AKAP12: variants seen among roughly 807,000 people sequenced by gnomAD.
The protein encoded by AKAP12 is A-kinase anchoring protein 12, also known as A-kinase anchor protein 12.
AKAP12 carries 32 observed loss-of-function variants against 79.9 expected under a neutral mutation model. The ratio of observed to expected loss-of-function variants is 0.40; its 90% CI spans 0.30 to 0.54. AKAP12 has a LOEUF of 0.54. Among genes scored for constraint, AKAP12 ranks in the 20% least tolerant of loss-of-function variants. AKAP12 has a pLI of 0.48. For synonymous variants in AKAP12, 808 were observed against 857.0 expected (o/e 0.94, Z 1.00); for missense variants, 2,074 against 2,177.0 (o/e 0.95, Z 0.94).
At position 151,353,653 on chromosome 6, in the gene AKAP12, A is replaced by G. The variant is rs561845205; in HGVS notation, c.5262A>G (p.Glu1754=). 3 of 1,614,182 alleles carry G rather than the reference A, an allele frequency of 1.9e-6. No homozygotes were observed. Among genetic ancestry groups the G allele is most frequent in the South Asian group, 2.2e-5 (2 of 91,078 alleles). ...VELQEGKVHS[E]SDKAITPQAQ... is the part of the protein sequence containing the mutation. ...TGCAGGAAGGAAAAGTGCACAGTGA[A>G]TCAGATAAAGCGATCACACCCCAAG... The change falls in exon 4 of 5, where the codon GAA becomes GAG. Residue 1754 remains glutamate (E), a synonymous_variant. Transcript: ENST00000402676.
chr6:151,355,229 T>C (rs917812428), intron 4 of AKAP12, among the ~76,000 whole-genome samples: 3 of 151,850 alleles, frequency 2.0e-5, no homozygotes, highest in Non-Finnish European at 4.4e-5. Flanking sequence ...CCTCAAGTGA[T>C]CTGCCCGCCT....
intron 2 of AKAP12, among the ~76,000 whole-genome samples, chr6:151,271,816 C>T (rs560791126): frequency 1.3e-5 from 2 of 151,986 alleles, no homozygotes; most frequent in South Asian, 2.1e-4. Flanking sequence ...CTTGCCACCA[C>T]GCCCAGCTAA....
At position 151,351,212 on chromosome 6, in the gene AKAP12, G is replaced by T. The variant is rs1400994021; in HGVS notation, c.2821G>T (p.Val941Leu). 1 of 1,614,226 alleles carries T rather than the reference G, an allele frequency of 6.2e-7. No homozygotes were observed. The highest frequency in any genetic ancestry group is 1.7e-5 in the Admixed American group (1 of 60,034). The change falls in exon 4 of 5, where the codon GTA (valine) becomes TTA (leucine). Residue 941 changes from valine to leucine, a missense_variant. Coordinates refer to ENST00000402676, the MANE Select transcript of AKAP12 (RefSeq NM_005100.4). The surrounding 1 kb of genome is among the most constrained non-coding windows in gnomAD (Gnocchi z 4.4). ...AACTGAGGAGGTATTGGAAAGAGAA[G>T]TAATTGCAGAAGAAGAACCCCCCAC... Reference protein sequence around the residue: ...LLTEEVLEREVIAEEEPPTVT... With the variant: ...LLTEEVLERELIAEEEPPTVT...
At chr6:151,325,918 C>T in intron 3 of AKAP12, 3 of 1,614,168 alleles carry the variant, frequency 1.9e-6, no homozygotes, top group Non-Finnish European at 2.5e-6. Flanking sequence ...TTTGTCCTCC[C>T]TGGACGGCAG....
chr6:151,310,711 A>G (rs1185397010), intron 3 of AKAP12, among the ~76,000 whole-genome samples: 1 of 152,208 alleles, frequency 6.6e-6, no homozygotes. Flanking sequence ...TTATTTTGAT[A>G]ATAGCATATT....
chr6:151,325,710 G>T, intron 3 of AKAP12: 3 of 1,484,868 alleles, frequency 2.0e-6, no homozygotes, highest in Non-Finnish European at 2.7e-6. Flanking sequence ...GGCACCTCCG[G>T]TTCTCCCCCA....
Position 151,353,671 on chromosome 6 carries a change from AC to A in AKAP12, c.5284del (p.Gln1762LysfsTer27). ...VHSESDKAIT[P>X]QAQEELQKQE... is the part of the protein sequence containing the mutation. ...ACAGTGAATCAGATAAAGCGATCAC[AC>A]CCCAAGCACAGGAGGAGTTACAGAA... On this transcript the variant is annotated frameshift_variant, in exon 4 of 5. Coordinates refer to ENST00000402676, the MANE Select transcript of AKAP12 (RefSeq NM_005100.4). LOFTEE classifies it low-confidence loss of function (END_TRUNC). The A allele has an allele frequency of 2.5e-6, 4 of 1,613,594 alleles. No individual in the cohort carries two copies. The highest frequency in any genetic ancestry group is 3.4e-6 in the Non-Finnish European group (4 of 1,179,840).
At chr6:151,261,670 C>T (rs1161793815) in intron 2 of AKAP12, among the ~76,000 whole-genome samples, 2 of 151,722 alleles carry the variant, frequency 1.3e-5, no homozygotes, top group African/African-American at 2.4e-5. Context: ...CATTGCACTC[C>T]AGCCTGTCGA....
chr6:151,300,028 T>C (rs1776826286), intron 2 of AKAP12, among the ~76,000 whole-genome samples: 1 of 152,204 alleles, frequency 6.6e-6, no homozygotes, highest in Non-Finnish European at 1.5e-5. Context: ...TAAAATTCTA[T>C]CCCTATTTCC....
rs1332332448 is a variant in AKAP12, at chr6:151,348,749, T to C, written c.358T>C (p.Ser120Pro). ...RDSEDVSKRD[S>P]DKEMATKSAV... ...CTCTGAAGATGTGAGCAAAAGAGAC[T>C]CCGATAAAGAGATGGCTACTAAGTC... Residue 120 changes from serine to proline, a missense_variant, in exon 4 of 5, where the codon TCC (serine) becomes CCC (proline). By Grantham distance (74) the Ser-to-Pro change is moderately conservative. This residue lies in a region of AKAP12 where 1,428 missense variants were observed against 1,451.0 expected (regional missense o/e 0.98). Transcript: ENST00000402676. The C allele has an allele frequency of 7.4e-7, 1 of 1,356,556 alleles. No homozygotes were observed. The highest frequency in any genetic ancestry group is 2.2e-5 in the Admixed American group (1 of 46,096). 84.0% of individuals were successfully genotyped at this position (1,356,556 alleles called of 1,614,324 possible).
chr6:151,266,232 A>G (rs1218408645), intron 2 of AKAP12, among the ~76,000 whole-genome samples: 1 of 152,246 alleles, frequency 6.6e-6, no homozygotes, highest in Non-Finnish European at 1.5e-5. Context: ...GTTAGGATAG[A>G]TAGCTGATGC....
intron 2 of AKAP12, among the ~76,000 whole-genome samples, chr6:151,271,993 G>C (rs1350895478): frequency 6.6e-6 from 1 of 152,072 alleles, no homozygotes; most frequent in Non-Finnish European, 1.5e-5. Flanking sequence ...CTAAGATAGA[G>C]TTCGTATTCA....
At chr6:151,343,076 G>A (rs1777994156) in intron 3 of AKAP12, among the ~76,000 whole-genome samples, 2 of 152,106 alleles carry the variant, frequency 1.3e-5, no homozygotes, top group Non-Finnish European at 2.9e-5. Context: ...TAGCTGTTTT[G>A]TTCTGCCTGC....
At chr6:151,260,243 T>A (rs1477591638) in intron 2 of AKAP12, among the ~76,000 whole-genome samples, 1 of 152,208 alleles carries the variant, frequency 6.6e-6, no homozygotes, top group Non-Finnish European at 1.5e-5. Flanking sequence ...GTGACTGGTA[T>A]CATTCCCGTT....
intron 3 of AKAP12, among the ~76,000 whole-genome samples, chr6:151,314,328 C>T (rs1334917178): frequency 6.6e-6 from 1 of 152,060 alleles, no homozygotes; most frequent in East Asian, 1.9e-4. Context: ...CACCCGGCCT[C>T]TAATCTGATC....
At chr6:151,354,136 T>C (rs1326235612) in intron 4 of AKAP12, among the ~76,000 whole-genome samples, 1 of 150,364 alleles carries the variant, frequency 6.7e-6, no homozygotes, top group Non-Finnish European at 1.5e-5. Flanking sequence ...GCGTGGTGCC[T>C]CACGACTCCG....
chr6:151,348,588 G>T, intron 3 of AKAP12, 123 bp from the exon 4 acceptor site: 1 of 726,274 alleles, frequency 1.4e-6, no homozygotes, highest in South Asian at 1.9e-5. Flanking sequence ...GCAGTGAGCC[G>T]AGACCACACC....
chr6:151,353,825 T>C, intron 4 of AKAP12, 73 bp downstream of exon 4: 1 of 1,058,814 alleles, frequency 9.4e-7, no homozygotes, highest in East Asian at 2.6e-5. Flanking sequence ...ACATAAGGAA[T>C]CGGGAGCAAA....
chr6:151,304,102 C>T (rs1776922427), intron 2 of AKAP12, among the ~76,000 whole-genome samples: 1 of 152,096 alleles, frequency 6.6e-6, no homozygotes, highest in Admixed American at 6.6e-5. Context: ...TATAACATTG[C>T]TGTATATTAC....
Sources: allele counts gnomAD v4.1 joint callset (sites outside exome capture counted in the v4.1 genomes callset), GRCh38; gene constraint gnomAD v4.1.1; regional missense constraint gnomAD v4.1.1; non-coding constraint Gnocchi (gnomAD v3.1); transcripts MANE v1.5; gene names NCBI Gene and HGNC (gene_info 2026-07-23, HGNC 2026-07-21).